The following CLINT1 variants were observed in gnomAD, a reference collection of about 807,000 sequenced individuals.
The protein encoded by CLINT1 is clathrin interacting protein localized in the trans-Golgi region.
A neutral mutation model predicts 70.4 loss-of-function variants in CLINT1; 15 were observed. That is an observed-to-expected ratio of 0.21 (90% CI 0.14 to 0.33). The LOEUF (loss-of-function observed/expected upper bound fraction) is 0.33. CLINT1 is among the 10% of genes least tolerant of loss of function. The pLI is 1.00. For missense variants in CLINT1, 615 were observed against 778.1 expected (o/e 0.79, Z 2.49); for synonymous variants, 227 against 254.7 (o/e 0.89, Z 1.04).
chr5:157,793,525 T>C (rs1193645981), intron 9 of CLINT1, among the ~76,000 whole-genome samples: 2 of 152,150 alleles, frequency 1.3e-5, no homozygotes, highest in Non-Finnish European at 2.9e-5. Context: ...ATCACATGCA[T>C]ACAGATGAAG....
chr5:157,854,654 G>A (rs1041825658), intron 1 of CLINT1, among the ~76,000 whole-genome samples: 15 of 152,194 alleles, frequency 9.9e-5, no homozygotes, highest in African/African-American at 3.6e-4. Context: ...CTGGAGTCAG[G>A]AGACTAGAAC....
rs748024455 is a variant in CLINT1, at chr5:157,789,497, T to G, written c.1397A>C (p.Gln466Pro). ...MSRSQNTDMV[Q>P]KSVSKTLPST... ...GGGCAAGGTTTTGCTGACTGATTTC[T>G]GGACCATATCTGTATTCTGATTATA... Residue 466 changes from glutamine (Q) to proline (P), a missense_variant, in exon 11 of 12, where the codon CAG becomes CCG. Gln to Pro is a moderately conservative substitution (Grantham distance 76, BLOSUM62 -1). Transcript: ENST00000411809. The G allele has an allele frequency of 1.2e-6, 2 of 1,613,992 alleles. No individual in the cohort carries two copies. Among genetic ancestry groups the G allele is most frequent in the South Asian group, 2.2e-5 (2 of 91,082 alleles).
At chr5:157,833,867 A>G (rs1384652714) in intron 1 of CLINT1, among the ~76,000 whole-genome samples, 1 of 151,168 alleles carries the variant, frequency 6.6e-6, no homozygotes. Flanking sequence ...CTTGAACACA[A>G]GGAGGTCAAG....
At chr5:157,857,224 C>CAAAAA (rs34211902) in intron 1 of CLINT1, among the ~76,000 whole-genome samples, 1 of 120,710 alleles carries the variant, frequency 8.3e-6, no homozygotes. Flanking sequence ...GAGACCCCAT[C>CAAAAA]AAAAAAAAAA....
At chr5:157,801,254 C>A (rs1206195597) in intron 8 of CLINT1, among the ~76,000 whole-genome samples, 2 of 152,154 alleles carry the variant, frequency 1.3e-5, no homozygotes, top group Non-Finnish European at 2.9e-5. Flanking sequence ...CGCCTGTAAT[C>A]CCAGCACTTT....
At chr5:157,853,395 T>C (rs1753639872) in intron 1 of CLINT1, among the ~76,000 whole-genome samples, 1 of 150,490 alleles carries the variant, frequency 6.6e-6, no homozygotes, top group South Asian at 2.1e-4. Flanking sequence ...TGTAGAGCCA[T>C]ATTGTGAAAC....
intron 5 of CLINT1, among the ~76,000 whole-genome samples, chr5:157,811,458 G>A (rs1000880931): frequency 5.3e-5 from 8 of 151,610 alleles, no homozygotes; most frequent in Non-Finnish European, 1.0e-4. Context: ...ACTTGAACCC[G>A]GGAGGCGGAG....
intron 8 of CLINT1, among the ~76,000 whole-genome samples, chr5:157,798,087 T>C (rs771253932): frequency 6.6e-6 from 1 of 152,226 alleles, no homozygotes; most frequent in Non-Finnish European, 1.5e-5. Flanking sequence ...TCTTCAACTT[T>C]GAAAACTGTC....
intron 1 of CLINT1, among the ~76,000 whole-genome samples, chr5:157,839,609 T>TAAA (rs749234588): frequency 7.9e-6 from 1 of 127,134 alleles, no homozygotes. Context: ...TTAAATAAAA[T>TAAA]AAAAAAAAAA....
rs899644153 is a variant in CLINT1 at position 157,859,124 on chromosome 5, C to A, written c.-154G>T. ...CCTTCCTTTGCCACAGCAGCGGCGC[C>A]GCCGGTGACACGTCGAGACGCGGCA... On this transcript the variant is annotated 5_prime_UTR_variant, in exon 1 of 12. Transcript: ENST00000411809. 1.1e-5 allele frequency: 8 copies of A among 699,542 alleles called. No homozygotes were observed. Among genetic ancestry groups the A allele is most frequent in the Non-Finnish European group, 1.8e-5 (8 of 445,586 alleles). The allele number at this position is 699,542 out of a possible 1,614,324, so 43.3% of individuals were successfully genotyped here. A position where few individuals can be genotyped will look rare whatever the true frequency, so the allele number is the denominator to read the frequency against.
chr5:157,805,873 G>A lies in CLINT1; in HGVS notation c.935C>T (p.Ser312Leu). The A allele has an allele frequency of 1.9e-6, 3 of 1,613,918 alleles. No individual in the cohort carries two copies. Among genetic ancestry groups the A allele is most frequent in the Non-Finnish European group, 2.5e-6 (3 of 1,179,862 alleles). The change falls in exon 7 of 12, where the codon TCA becomes TTA. Residue 312 changes from serine to leucine, a missense_variant. Physicochemically the swap from Ser to Leu is moderately radical, Grantham distance 145. This residue lies in a region of CLINT1 where 374 missense variants were observed against 409.6 expected (regional missense o/e 0.91). Coordinates refer to ENST00000411809, the MANE Select transcript of CLINT1 (RefSeq NM_014666.4). ...QNASTHTPQS[S>L]VKTSVPSSKS... ...AACTACTGCCATTCCCACCTTAACTGAAGACTGAGGTGTGTGGGTTGAAGC... is the reference window on the plus strand; with the variant it reads ...AACTACTGCCATTCCCACCTTAACTAAAGACTGAGGTGTGTGGGTTGAAGC...
At chr5:157,806,632 C>G (rs1373845441) in intron 6 of CLINT1, among the ~76,000 whole-genome samples, 1 of 152,084 alleles carries the variant, frequency 6.6e-6, no homozygotes, top group African/African-American at 2.4e-5. Context: ...AATCACACAT[C>G]TTAATTCGAA....
intron 1 of CLINT1, among the ~76,000 whole-genome samples, chr5:157,854,556 C>G (rs1753683590): frequency 6.6e-6 from 1 of 152,122 alleles, no homozygotes. Flanking sequence ...TAAAAAGAAA[C>G]CAGACTACTA....
chr5:157,839,892 C>CGT (rs1753092351), intron 1 of CLINT1, among the ~76,000 whole-genome samples: 1 of 151,882 alleles, frequency 6.6e-6, no homozygotes. Context: ...CAGGATAAGC[C>CGT]TAAAACATCT....
intron 1 of CLINT1, among the ~76,000 whole-genome samples, chr5:157,833,532 T>C (rs1428835311): frequency 2.0e-5 from 3 of 152,194 alleles, no homozygotes; most frequent in Admixed American, 6.5e-5. Flanking sequence ...CATCAGGTCT[T>C]ATAGCTTGAA....
At chr5:157,817,397 G>C in intron 2 of CLINT1, 46 bp downstream of exon 2, 2 of 1,180,764 alleles carry the variant, frequency 1.7e-6, no homozygotes, top group Non-Finnish European at 2.5e-6. Flanking sequence ...TCTGTGTTAA[G>C]ATGCTTTGAT....
At chr5:157,832,068 G>A (rs1483591287) in intron 1 of CLINT1, among the ~76,000 whole-genome samples, 1 of 151,968 alleles carries the variant, frequency 6.6e-6, no homozygotes, top group African/African-American at 2.4e-5. Context: ...GCTCGCTGCA[G>A]TCTCCACCTC....
At chr5:157,849,172 T>C (rs562450973) in intron 1 of CLINT1, among the ~76,000 whole-genome samples, 1 of 152,312 alleles carries the variant, frequency 6.6e-6, no homozygotes, top group South Asian at 2.1e-4. Context: ...AGAGAAATCA[T>C]CTGTGAAAGG....
intron 1 of CLINT1, among the ~76,000 whole-genome samples, chr5:157,848,954 G>C (rs1753479356): frequency 6.6e-6 from 1 of 152,098 alleles, no homozygotes; most frequent in Non-Finnish European, 1.5e-5. Context: ...AAGCTATTGT[G>C]CCTGGCCGAA....
Sources: allele counts gnomAD v4.1 joint callset (sites outside exome capture counted in the v4.1 genomes callset), GRCh38; gene constraint gnomAD v4.1.1; regional missense constraint gnomAD v4.1.1; transcripts MANE v1.5; gene names NCBI Gene and HGNC (gene_info 2026-07-23, HGNC 2026-07-21).